The following UNC5D variants were observed in gnomAD, a reference collection of about 807,000 sequenced individuals.
UNC5D encodes the protein netrin receptor UNC5D.
A neutral mutation model predicts 105.4 loss-of-function variants in UNC5D; 39 were observed. The ratio of observed to expected loss-of-function variants is 0.37; its 90% CI spans 0.29 to 0.48. The LOEUF (loss-of-function observed/expected upper bound fraction) is 0.48. Ranked by LOEUF, UNC5D falls within the 20% of genes least tolerant of loss-of-function variation. UNC5D has a pLI of 0.98. For missense variants in UNC5D, 991 were observed against 1,202.4 expected, an observed-to-expected ratio of 0.82 and a Z score of 2.60; for synonymous variants, 452 against 450.4, an observed-to-expected ratio of 1.00 and a Z score of -0.04.
chr8:35,506,997 A>G (rs1469342044), intron 1 of UNC5D, among the ~76,000 whole-genome samples: 1 of 151,522 alleles, frequency 6.6e-6, no homozygotes, highest in Non-Finnish European at 1.5e-5. Context: ...ACCTTCATTG[A>G]AGGTGTTTTC....
intron 1 of UNC5D, among the ~76,000 whole-genome samples, chr8:35,392,834 C>G (rs529316893): frequency 6.6e-6 from 1 of 152,264 alleles, no homozygotes; most frequent in South Asian, 2.1e-4. Flanking sequence ...CCTTTGGCCA[C>G]TAGAATGGCT....
At chr8:35,579,727 C>A (rs893630332) in intron 3 of UNC5D, among the ~76,000 whole-genome samples, 6 of 152,174 alleles carry the variant, frequency 3.9e-5, no homozygotes, top group African/African-American at 1.4e-4. Context: ...GTGAACAGGA[C>A]AAATTATGGA....
chr8:35,621,261 T>A (rs72634957), intron 4 of UNC5D, among the ~76,000 whole-genome samples: 4,078 of 152,250 alleles, frequency 0.027, 70 homozygotes, highest in Non-Finnish European at 0.04. Context: ...GAGTCCAGCA[T>A]CAACAGATAG....
chr8:35,327,946 C>T (rs1489608346), intron 1 of UNC5D, among the ~76,000 whole-genome samples: 1 of 152,184 alleles, frequency 6.6e-6, no homozygotes, highest in Non-Finnish European at 1.5e-5. Context: ...AGATGACAGT[C>T]AGTGGGTTCA....
intron 3 of UNC5D, among the ~76,000 whole-genome samples, chr8:35,571,948 T>C (rs1431436300): frequency 6.6e-6 from 1 of 152,204 alleles, no homozygotes; most frequent in African/African-American, 2.4e-5. Context: ...GAGCTCCTTA[T>C]GTTTCCTGCG....
intron 3 of UNC5D, among the ~76,000 whole-genome samples, chr8:35,578,757 A>T (rs997992896): frequency 1.1e-4 from 16 of 152,202 alleles, no homozygotes; most frequent in Admixed American, 1.0e-3. Flanking sequence ...TATGTAATTG[A>T]TATAAGTTGT....
At position 35,746,077 on chromosome 8, in the gene UNC5D, T is replaced by G. The variant is rs74540227; in HGVS notation, c.1767-2450T>G. ...TTCCATGATTACCCCTGGACTATAT[T>G]GTAACCCCCTTCCCCAGTCTTTCCC... On this transcript the variant is annotated intron_variant, in intron 11 of 16. Transcript: ENST00000404895. 7.4e-3 allele frequency among the ~76,000 whole-genome samples: 1,131 copies of G among 152,260 alleles called. 13 individuals carry two copies. The highest frequency in any genetic ancestry group is 0.026 in the African/African-American group (1,071 of 41,548).
At chr8:35,398,379 G>T (rs1022997959) in intron 1 of UNC5D, among the ~76,000 whole-genome samples, 2 of 151,892 alleles carry the variant, frequency 1.3e-5, no homozygotes, top group Non-Finnish European at 2.9e-5. Context: ...TAATTTATGT[G>T]ATTATTTGTT....
At chr8:35,403,184 A>C (rs1375217102) in intron 1 of UNC5D, among the ~76,000 whole-genome samples, 5 of 152,220 alleles carry the variant, frequency 3.3e-5, no homozygotes, top group Non-Finnish European at 7.3e-5. Context: ...TAATGTTCTT[A>C]CCTTTTGCTA....
At chr8:35,524,656 GA>G (rs1320429438) in intron 1 of UNC5D, among the ~76,000 whole-genome samples, 23 of 125,046 alleles carry the variant, frequency 1.8e-4, no homozygotes, top group Admixed American at 6.2e-4. Context: ...AAAAAAAAAA[GA>G]AAAAAGAAAA....
intron 1 of UNC5D, among the ~76,000 whole-genome samples, chr8:35,512,270 C>T (rs1042794353): frequency 1.8e-4 from 27 of 150,674 alleles, no homozygotes; most frequent in South Asian, 1.3e-3. Context: ...GCCTGTAATC[C>T]CAGCACTTTG....
intron 4 of UNC5D, among the ~76,000 whole-genome samples, chr8:35,673,395 A>C (rs1220062377): frequency 6.6e-6 from 1 of 152,172 alleles, no homozygotes; most frequent in Non-Finnish European, 1.5e-5. Flanking sequence ...TTATTAGACA[A>C]TGCCAAGTCA....
chr8:35,590,195 T>G (rs1461267393), intron 3 of UNC5D, among the ~76,000 whole-genome samples: 1 of 152,096 alleles, frequency 6.6e-6, no homozygotes, highest in Non-Finnish European at 1.5e-5. Context: ...TCTTTATATA[T>G]TAAGGCTGTT....
At chr8:35,499,656 A>C (rs1323230097) in intron 1 of UNC5D, among the ~76,000 whole-genome samples, 1 of 152,212 alleles carries the variant, frequency 6.6e-6, no homozygotes. Flanking sequence ...AAGCTTTATG[A>C]GAAGAGTAGC....
intron 8 of UNC5D, among the ~76,000 whole-genome samples, chr8:35,707,796 C>T (rs1454854708): frequency 1.3e-5 from 2 of 152,192 alleles, no homozygotes; most frequent in South Asian, 2.1e-4. Flanking sequence ...AAGCCATTTC[C>T]AGTCCTTAGG....
intron 1 of UNC5D, among the ~76,000 whole-genome samples, chr8:35,327,203 A>T (rs1810233583): frequency 1.3e-5 from 2 of 152,196 alleles, no homozygotes; most frequent in Non-Finnish European, 2.9e-5. Flanking sequence ...TTTCTAAGAC[A>T]TGTTTCCCAA....
At chr8:35,325,589 A>G (rs937885321) in intron 1 of UNC5D, among the ~76,000 whole-genome samples, 3 of 152,202 alleles carry the variant, frequency 2.0e-5, no homozygotes, top group African/African-American at 7.2e-5. Context: ...AGGAATTGAT[A>G]GTTCTGCTAT....
intron 13 of UNC5D, among the ~76,000 whole-genome samples, chr8:35,753,692 C>G (rs1053504230): frequency 6.6e-6 from 1 of 152,156 alleles, no homozygotes; most frequent in Non-Finnish European, 1.5e-5. Flanking sequence ...GCAAATAAAG[C>G]TGCGTTTGGT....
At chr8:35,754,219 C>T (rs1198567349) in intron 13 of UNC5D, among the ~76,000 whole-genome samples, 1 of 152,048 alleles carries the variant, frequency 6.6e-6, no homozygotes, top group Non-Finnish European at 1.5e-5. Flanking sequence ...TTTCTGCAAC[C>T]CTAAAAGAAC....
Sources: allele counts gnomAD v4.1 joint callset (sites outside exome capture counted in the v4.1 genomes callset), GRCh38; gene constraint gnomAD v4.1.1; transcripts MANE v1.5; gene names NCBI Gene and HGNC (gene_info 2026-07-23, HGNC 2026-07-21).